The following MROH9 variants were observed in gnomAD, a reference collection of about 807,000 sequenced individuals.
MROH9 encodes maestro heat like repeat family member 9.
Under a neutral mutation model 98.2 loss-of-function variants are expected in MROH9, and 92 were observed. That is an observed-to-expected ratio of 0.94 (90% CI 0.79 to 1.11). The LOEUF is 1.11. Ranked by LOEUF, MROH9 falls within the 50% of genes most tolerant of loss-of-function variation. MROH9 has a pLI of 0.00. For missense variants in MROH9, 1,057 were observed against 1,014.8 expected, an observed-to-expected ratio of 1.04 and a Z score of -0.57; for synonymous variants, 397 against 368.9, an observed-to-expected ratio of 1.08 and a Z score of -0.87.
chr1:171,006,817 T>G (rs1479355853), intron 15 of MROH9, among the ~76,000 whole-genome samples: 1 of 137,950 alleles, frequency 7.2e-6, no homozygotes, highest in East Asian at 2.4e-4. Flanking sequence ...GTTTCTGTTT[T>G]GTTATTTTTT....
chr1:170,937,417 T>A, intron 1 of MROH9, among the ~76,000 whole-genome samples: 1 of 151,498 alleles, frequency 6.6e-6, no homozygotes, highest in Middle Eastern at 3.5e-3. Context: ...TGGTATCTAA[T>A]ATATACACAA....
At chr1:170,952,872 G>A (rs1168852942) in intron 3 of MROH9, among the ~76,000 whole-genome samples, 1 of 152,038 alleles carries the variant, frequency 6.6e-6, no homozygotes, top group Admixed American at 6.6e-5. Context: ...GGTAGGCAAT[G>A]CCAACACATC....
At position 170,996,627 on chromosome 1, in the gene MROH9, A is replaced by T; in HGVS notation, c.1458A>T (p.Gly486=). 6.2e-7 allele frequency: 1 copy of T among 1,613,430 alleles called. No homozygotes were observed. Among genetic ancestry groups the T allele is most frequent in the Non-Finnish European group, 8.5e-7 (1 of 1,179,572 alleles). ...QLSEDLCYYH[G]VCFIAKTLSE... ...CTGAAGATCTGTGTTACTATCATGGAGTCTGCTTTATTGCTAAGTAAGAAC... is the reference window on the plus strand; with the variant it reads ...CTGAAGATCTGTGTTACTATCATGGTGTCTGCTTTATTGCTAAGTAAGAAC... The change falls in exon 14 of 22, where the codon GGA becomes GGT. Residue 486 remains glycine, a synonymous_variant. Transcript: ENST00000367759.
chr1:170,970,962 T>A (rs1365855721), intron 7 of MROH9, among the ~76,000 whole-genome samples: 5 of 152,330 alleles, frequency 3.3e-5, no homozygotes, highest in African/African-American at 1.2e-4. Flanking sequence ...CTGCAAGTCA[T>A]GCTGCTAGTT....
Position 171,008,330 on chromosome 1 carries a change from A to G in MROH9, c.1597-5787A>G, listed in dbSNP as rs201774110. On this transcript the variant is annotated intron_variant, in intron 15 of 21. Coordinates refer to ENST00000367759, the MANE Select transcript of MROH9 (RefSeq NM_001163629.2). Reference sequence around the variant, plus strand: ...CATTGTAATATTCTACAAACTAGATATGATTGGAACTTGACTTATTAGAAT... The same window carrying G: ...CATTGTAATATTCTACAAACTAGATGTGATTGGAACTTGACTTATTAGAAT... 2.0e-5 allele frequency among the ~76,000 whole-genome samples: 3 copies of G among 152,340 alleles called. No individual in the cohort carries two copies. The East Asian group carries it at 5.8e-4, about 29-fold the overall frequency.
intron 20 of MROH9, among the ~76,000 whole-genome samples, chr1:171,051,630 G>GC (rs1280729991): frequency 6.6e-6 from 1 of 152,174 alleles, no homozygotes; most frequent in African/African-American, 2.4e-5. Context: ...AATAGCTAAT[G>GC]CATGTGAGGC....
intron 6 of MROH9, among the ~76,000 whole-genome samples, chr1:170,963,061 G>A (rs1650079334): frequency 6.6e-6 from 1 of 151,826 alleles, no homozygotes; most frequent in South Asian, 2.1e-4. Flanking sequence ...CTACAGATTG[G>A]GAGAAAATTT....
chr1:170,949,564 G>A (rs900388926), intron 3 of MROH9, among the ~76,000 whole-genome samples: 2 of 152,100 alleles, frequency 1.3e-5, no homozygotes, highest in Non-Finnish European at 2.9e-5. Context: ...CTGAGTTGAA[G>A]TGTACAATTG....
rs149994748 is a variant in MROH9 at position 171,050,057 on chromosome 1, G to C, written c.2282-12075G>C. Among the ~76,000 whole-genome samples, 5 of 152,192 alleles carry C rather than the reference G, an allele frequency of 3.3e-5. No individual in the cohort carries two copies. In the East Asian group the frequency reaches 9.7e-4, roughly 29 times the overall value. On this transcript the variant is annotated intron_variant, in intron 20 of 21. Coordinates refer to ENST00000367759, the MANE Select transcript of MROH9 (RefSeq NM_001163629.2). Reference sequence around the variant, plus strand: ...TAATTCTTTGTCAAATGCATACTATGCAAATACTTTCTCTCATCCTATGGA... The same window carrying C: ...TAATTCTTTGTCAAATGCATACTATCCAAATACTTTCTCTCATCCTATGGA...
intron 17 of MROH9, among the ~76,000 whole-genome samples, chr1:171,021,098 A>G (rs1652502318): frequency 6.6e-6 from 1 of 152,228 alleles, no homozygotes. Flanking sequence ...CCACTGCTCA[A>G]GGAAATCAGA....
chr1:170,939,995 T>G (rs1229509037), intron 1 of MROH9, among the ~76,000 whole-genome samples: 1 of 152,214 alleles, frequency 6.6e-6, no homozygotes, highest in Non-Finnish European at 1.5e-5. Context: ...CAGAGCAGAC[T>G]GTACAACAGC....
chr1:170,941,668 A>G (rs1649125476), intron 1 of MROH9, among the ~76,000 whole-genome samples: 1 of 151,972 alleles, frequency 6.6e-6, no homozygotes, highest in African/African-American at 2.4e-5. Flanking sequence ...TCCTCATCAC[A>G]TTTACATTTC....
chr1:171,048,966 G>T (rs141192030), intron 20 of MROH9, among the ~76,000 whole-genome samples: 49 of 152,284 alleles, frequency 3.2e-4, no homozygotes, highest in African/African-American at 1.2e-3. Flanking sequence ...CTGGAACAGG[G>T]CCTCATGATT....
intron 3 of MROH9, among the ~76,000 whole-genome samples, chr1:170,956,493 A>C (rs1649761334): frequency 6.6e-6 from 1 of 150,512 alleles, no homozygotes; most frequent in Non-Finnish European, 1.5e-5. Flanking sequence ...GATTTATTTC[A>C]GCAGTGTTTT....
chr1:171,062,284 G>A (rs902989379), intron 21 of MROH9, 90 bp downstream of exon 21: 2 of 885,500 alleles, frequency 2.3e-6, no homozygotes, highest in Non-Finnish European at 3.5e-6. Flanking sequence ...TTCTGTTAGA[G>A]TGCCAGGCCA....
At chr1:171,042,231 C>T (rs1653332222) in intron 20 of MROH9, among the ~76,000 whole-genome samples, 1 of 152,052 alleles carries the variant, frequency 6.6e-6, no homozygotes. Context: ...TAAGTGAGAA[C>T]ATGCAAAGAT....
At chr1:171,053,983 C>CA (rs1237587520) in intron 20 of MROH9, among the ~76,000 whole-genome samples, 2 of 151,812 alleles carry the variant, frequency 1.3e-5, no homozygotes, top group Admixed American at 6.6e-5. Flanking sequence ...TAAGGCAAAA[C>CA]AAAAAATAAA....
At chr1:171,002,331 T>A (rs1651810579) in intron 15 of MROH9, among the ~76,000 whole-genome samples, 1 of 152,214 alleles carries the variant, frequency 6.6e-6, no homozygotes, top group African/African-American at 2.4e-5. Context: ...TTTTAACTTG[T>A]ATTTTTGTTT....
intron 20 of MROH9, among the ~76,000 whole-genome samples, chr1:171,038,215 A>G (rs575861232): frequency 3.6e-4 from 55 of 152,286 alleles, no homozygotes; most frequent in African/African-American, 1.2e-3. Context: ...AAAAGTAACA[A>G]TAGAAAAATG....
Sources: gnomAD v4.1 joint callset for allele counts (sites outside exome capture counted in the v4.1 genomes callset) on GRCh38, gnomAD v4.1.1 for gene constraint, MANE v1.5 for transcripts, NCBI Gene and HGNC (gene_info 2026-07-23, HGNC 2026-07-21) for gene names.